TMEM63A: variants seen among roughly 807,000 people sequenced by gnomAD.
TMEM63A encodes the protein transmembrane protein 63A.
Under a neutral mutation model 100.6 loss-of-function variants are expected in TMEM63A, and 76 were observed. The ratio of observed to expected loss-of-function variants is 0.76; its 90% CI spans 0.63 to 0.91. TMEM63A has a LOEUF of 0.91. Ranked by LOEUF, TMEM63A falls within the 40% of genes least tolerant of loss-of-function variation. The pLI is 0.00. For synonymous variants in TMEM63A, 401 were observed against 401.1 expected, an observed-to-expected ratio of 1.00 and a Z score of 0.00; for missense variants, 876 against 1,008.8, an observed-to-expected ratio of 0.87 and a Z score of 1.78.
Position 225,867,074 on chromosome 1 carries a change from C to T in TMEM63A, c.566+38G>A. 1.9e-6 allele frequency: 3 copies of T among 1,612,696 alleles called. No individual in the cohort carries two copies. The highest frequency in any genetic ancestry group is 2.5e-6 in the Non-Finnish European group (3 of 1,178,684). On this transcript the variant is annotated intron_variant, in intron 8 of 24. Transcript: ENST00000366835. The surrounding 1 kb of genome is among the most constrained non-coding windows in gnomAD (Gnocchi z 4.6). ...TCCTGACCTGCCTTCTCCTTGATCT[C>T]ACCCATCAGCACCTATCCCCACGGG... is the stretch of plus-strand genomic sequence containing the variant.
intron 2 of TMEM63A, 121 bp downstream of exon 2, chr1:225,879,099 T>C (rs892726553): frequency 6.6e-6 from 1 of 152,260 alleles, no homozygotes; most frequent in Non-Finnish European, 1.5e-5. Flanking sequence ...GAGTGACCTC[T>C]GGAACACAGA....
rs1367061062 is a variant in TMEM63A at position 225,847,721 on chromosome 1, A to G, written c.2251-508T>C. 3.3e-5 allele frequency among the ~76,000 whole-genome samples: 5 copies of G among 152,156 alleles called. No homozygotes were observed. The East Asian group carries it at 9.6e-4, about 29-fold the overall frequency. On this transcript the variant is annotated intron_variant, in intron 23 of 24. Coordinates refer to ENST00000366835, the MANE Select transcript of TMEM63A (RefSeq NM_014698.3). ...GCTTGACATCATCCACCTGTCCTGCATGTTCCCTGCTTGGCCAGCATAGCC... is the reference window on the plus strand; with the variant it reads ...GCTTGACATCATCCACCTGTCCTGCGTGTTCCCTGCTTGGCCAGCATAGCC...
At chr1:225,847,379 C>T (rs1669068202) in intron 23 of TMEM63A, 166 bp from the exon 24 acceptor site, 1 of 776,132 alleles carries the variant, frequency 1.3e-6, no homozygotes, top group African/African-American at 1.8e-5. Context: ...ATGACACCTG[C>T]AGAATTTCCT....
At chr1:225,851,659 G>C (rs1019293090) in intron 20 of TMEM63A, among the ~76,000 whole-genome samples, 1 of 152,224 alleles carries the variant, frequency 6.6e-6, no homozygotes, top group African/African-American at 2.4e-5. Flanking sequence ...ATAAGCCATC[G>C]TGCCCAGCCC....
At chr1:225,881,287 C>A (rs1433304928) in intron 1 of TMEM63A, among the ~76,000 whole-genome samples, 2 of 152,198 alleles carry the variant, frequency 1.3e-5, no homozygotes, top group Non-Finnish European at 2.9e-5. Flanking sequence ...TGGCTTCCTT[C>A]GCCAGGAAAT....
chr1:225,857,012 C>G lies in TMEM63A; in HGVS notation c.1383G>C (p.Pro461=), dbSNP rs369970031. Residue 461 remains proline (P), a synonymous_variant, in exon 16 of 25, where the codon CCG becomes CCC. Transcript: ENST00000366835. Reference sequence around the variant, plus strand: ...GGGTGGGGAAGAACTGGCTGATGATCGGGTTCTAGGAGAAAGGTCCACAGC... The same window carrying G: ...GGGTGGGGAAGAACTGGCTGATGATGGGGTTCTAGGAGAAAGGTCCACAGC... ...VTKPIHALNN[P]IISQFFPTLL... is the part of the protein sequence containing the mutation. 7 of 1,581,078 alleles carry G rather than the reference C, an allele frequency of 4.4e-6. No individual in the cohort carries two copies. Among genetic ancestry groups the G allele is most frequent in the Non-Finnish European group, 5.1e-6 (6 of 1,169,710 alleles).
chr1:225,866,666 G>A lies in TMEM63A; in HGVS notation c.583C>T (p.Leu195=). 6.2e-7 allele frequency: 1 copy of A among 1,614,154 alleles called. No homozygotes were observed. Among genetic ancestry groups the A allele is most frequent in the Non-Finnish European group, 8.5e-7 (1 of 1,180,018 alleles). The part of the protein sequence containing the change: ...NLQTDNDLLW[L]HTIFAVIYLF... The stretch of plus-strand genomic sequence containing the variant: ...TAAATGACAGCAAAGATGGTGTGCA[G>A]CCAAAGGAGGTCATTGCTGAGAGGG... Residue 195 remains leucine, a synonymous_variant, in exon 9 of 25, where the codon CTG becomes TTG. Coordinates refer to ENST00000366835, the MANE Select transcript of TMEM63A (RefSeq NM_014698.3).
chr1:225,852,663 C>A lies in TMEM63A; in HGVS notation c.1903+1G>T, dbSNP rs1179237927. 1 of 1,612,662 alleles carries A rather than the reference C, an allele frequency of 6.2e-7. No homozygotes were observed. The highest frequency in any genetic ancestry group is 1.1e-5 in the South Asian group (1 of 91,008). On this transcript the variant is annotated splice_donor_variant, in intron 20 of 24. Coordinates refer to ENST00000366835, the MANE Select transcript of TMEM63A (RefSeq NM_014698.3). LOFTEE classifies it high-confidence loss of function. ...CTGGGACAGGCTCCAGGGCCACTCA[C>A]CAAATGGCGCGATGATGGGACAAGT... is the stretch of plus-strand genomic sequence containing the variant.
At chr1:225,854,202 CA>C (rs1669498573) in intron 18 of TMEM63A, among the ~76,000 whole-genome samples, 1 of 152,142 alleles carries the variant, frequency 6.6e-6, no homozygotes, top group African/African-American at 2.4e-5. Flanking sequence ...GACAGGATTC[CA>C]GGGAAAGGGA....
intron 5 of TMEM63A, among the ~76,000 whole-genome samples, chr1:225,871,415 C>T (rs74473459): frequency 0.021 from 3,274 of 152,298 alleles, 62 homozygotes; most frequent in South Asian, 0.062. Flanking sequence ...TTTACAATCA[C>T]TGACCAAGAG....
intron 17 of TMEM63A, 90 bp downstream of exon 17, chr1:225,856,562 T>C (rs1669626004): frequency 7.3e-7 from 1 of 1,376,526 alleles, no homozygotes; most frequent in African/African-American, 1.4e-5. Context: ...GGTTTGCTTC[T>C]GCTGCCAAAC....
intron 4 of TMEM63A, among the ~76,000 whole-genome samples, chr1:225,873,172 T>G (rs1392058367): frequency 6.6e-6 from 1 of 152,208 alleles, no homozygotes; most frequent in Non-Finnish European, 1.5e-5. Flanking sequence ...TTTGGGGCCT[T>G]GACCAAGGTC....
At position 225,867,754 on chromosome 1, in the gene TMEM63A, G is replaced by T; in HGVS notation, c.514+134C>A. The T allele has an allele frequency of 8.1e-7, 1 of 1,230,788 alleles. No individual in the cohort carries two copies. The highest frequency in any genetic ancestry group is 1.1e-6 in the Non-Finnish European group (1 of 900,388). 76.2% of individuals were successfully genotyped at this position (1,230,788 alleles called of 1,614,324 possible). A position where few individuals can be genotyped will look rare whatever the true frequency, so the allele number is the denominator to read the frequency against. Reference sequence around the variant, plus strand: ...ATCTTTAATCAGATAGAAATGTTCAGAGTCACCCTGAGACCATCTTACATC... The same window carrying T: ...ATCTTTAATCAGATAGAAATGTTCATAGTCACCCTGAGACCATCTTACATC... On this transcript the variant is annotated intron_variant, in intron 7 of 24. Transcript: ENST00000366835. The surrounding 1 kb of genome is among the most constrained non-coding windows in gnomAD (Gnocchi z 4.6).
intron 2 of TMEM63A, among the ~76,000 whole-genome samples, chr1:225,878,848 A>G (rs944144002): frequency 6.6e-6 from 1 of 151,312 alleles, no homozygotes; most frequent in Middle Eastern, 3.2e-3. Context: ...TGCTGGGGAC[A>G]ATCACACATG....
At position 225,862,943 on chromosome 1, in the gene TMEM63A, G is replaced by A; in HGVS notation, c.747-92C>T. On this transcript the variant is annotated intron_variant, in intron 10 of 24. Coordinates refer to ENST00000366835, the MANE Select transcript of TMEM63A (RefSeq NM_014698.3). This position sits in a 1 kb window ranked among gnomAD's most constrained non-coding sequence, Gnocchi z 5.1. Reference sequence around the variant, plus strand: ...TGCCCACGGATCCAAGGGAAAGGATGGCAGAGTGATCTCGCTGCTGGTTTC... The same window carrying A: ...TGCCCACGGATCCAAGGGAAAGGATAGCAGAGTGATCTCGCTGCTGGTTTC... 8.3e-7 allele frequency: 1 copy of A among 1,207,482 alleles called. No individual in the cohort carries two copies. The highest frequency in any genetic ancestry group is 1.2e-6 in the Non-Finnish European group (1 of 832,080). The allele number at this position is 1,207,482 out of a possible 1,614,324, so 74.8% of individuals were successfully genotyped here. A position where few individuals can be genotyped will look rare whatever the true frequency, so the allele number is the denominator to read the frequency against.
chr1:225,840,606 A>G (rs1668316699), downstream of TMEM63A, among the ~76,000 whole-genome samples: 2 of 152,252 alleles, frequency 1.3e-5, no homozygotes, highest in African/African-American at 4.8e-5. Flanking sequence ...GTCAACATCC[A>G]CAGAGTAATA....
intron 3 of TMEM63A, among the ~76,000 whole-genome samples, chr1:225,877,122 G>A (rs1276347658): frequency 3.3e-5 from 5 of 152,160 alleles, no homozygotes; most frequent in Non-Finnish European, 5.9e-5. Context: ...CTGCAATCAC[G>A]GTAGTAATCA....
chr1:225,842,909 C>T (rs1181938996), downstream of TMEM63A, among the ~76,000 whole-genome samples: 2 of 152,330 alleles, frequency 1.3e-5, no homozygotes, highest in East Asian at 3.9e-4. Flanking sequence ...GCCTTAGAGG[C>T]TGTATCCTCT....
At position 225,858,736 on chromosome 1, in the gene TMEM63A, G is replaced by A. The variant is rs118182022; in HGVS notation, c.1377+460C>T. Among the ~76,000 whole-genome samples the A allele has an allele frequency of 2.2e-3, 329 of 152,034 alleles. 3 individuals carry two copies. The East Asian group carries it at 0.029, about 14-fold the overall frequency. The stretch of plus-strand genomic sequence containing the variant: ...TTTCCTTCCTTCCTGGCCCCTCCCC[G>A]TAGTGTCCATGATAGACATGCCTCA... On this transcript the variant is annotated intron_variant, in intron 15 of 24. Coordinates refer to ENST00000366835, the MANE Select transcript of TMEM63A (RefSeq NM_014698.3).
Sources: allele counts gnomAD v4.1 joint callset (sites outside exome capture counted in the v4.1 genomes callset), GRCh38; gene constraint gnomAD v4.1.1; non-coding constraint Gnocchi (gnomAD v3.1); transcripts MANE v1.5; gene names NCBI Gene and HGNC (gene_info 2026-07-23, HGNC 2026-07-21).